Variants in GALNT17 observed in about 807,000 individuals in gnomAD.
The protein encoded by GALNT17 is polypeptide N-acetylgalactosaminyltransferase 17.
Under a neutral mutation model 63.7 loss-of-function variants are expected in GALNT17, and 29 were observed. That is an observed-to-expected ratio of 0.46 (90% confidence interval 0.34 to 0.62). The LOEUF is 0.62. Ranked by LOEUF, GALNT17 falls within the 20% of genes least tolerant of loss-of-function variation. The probability of loss-of-function intolerance (pLI) is 0.01; values close to 1 mark genes in which losing one functional copy is unlikely to be tolerated. For missense variants in GALNT17, 603 were observed against 799.6 expected (o/e 0.75, Z 2.97); for synonymous variants, 305 against 318.3 (o/e 0.96, Z 0.45).
At chr7:71,624,673 GA>G in intron 6 of GALNT17, among the ~76,000 whole-genome samples, 1 of 152,174 alleles carries the variant, frequency 6.6e-6, no homozygotes, top group African/African-American at 2.4e-5. Context: ...TACTATGTTG[GA>G]AATTAAAATG....
intron 2 of GALNT17, among the ~76,000 whole-genome samples, chr7:71,345,315 C>T (rs890678865): frequency 4.6e-5 from 7 of 152,132 alleles, no homozygotes; most frequent in African/African-American, 1.7e-4. Flanking sequence ...TTATGATATG[C>T]TTTCTCCTCT....
At chr7:71,268,782 G>A (rs1166057141) in intron 1 of GALNT17, among the ~76,000 whole-genome samples, 3 of 152,120 alleles carry the variant, frequency 2.0e-5, no homozygotes, top group South Asian at 4.2e-4. Flanking sequence ...GAGGAGCCTC[G>A]GTGAAGGTTG....
intron 6 of GALNT17, among the ~76,000 whole-genome samples, chr7:71,644,788 A>G (rs983204547): frequency 4.6e-5 from 7 of 152,180 alleles, no homozygotes; most frequent in African/African-American, 1.7e-4. Flanking sequence ...GTAAAATTCT[A>G]CACATTACAA....
intron 6 of GALNT17, among the ~76,000 whole-genome samples, chr7:71,599,727 C>T (rs1320697206): frequency 1.3e-5 from 2 of 151,846 alleles, no homozygotes; most frequent in Non-Finnish European, 2.9e-5. Context: ...ACCCCCCCCA[C>T]CCCACCTTAA....
intron 1 of GALNT17, among the ~76,000 whole-genome samples, chr7:71,275,582 C>G (rs1490275992): frequency 2.0e-5 from 3 of 152,186 alleles, no homozygotes; most frequent in Non-Finnish European, 4.4e-5. Flanking sequence ...TTTGTGAACA[C>G]AGCTCAGCGC....
chr7:71,611,813 A>G lies in GALNT17; in HGVS notation c.1080+40411A>G, dbSNP rs749842733. On this transcript the variant is annotated intron_variant, in intron 6 of 10. Coordinates refer to ENST00000333538, the MANE Select transcript of GALNT17 (RefSeq NM_022479.3). ...GCCCTGATGTTGCAAAATGGAAAGC[A>G]TTGTGTCAGTAAAGGGATGGATGGA... is the stretch of plus-strand genomic sequence containing the variant. 5.9e-5 allele frequency among the ~76,000 whole-genome samples: 9 copies of G among 152,090 alleles called. No individual in the cohort carries two copies. The East Asian group carries it at 7.7e-4, about 13-fold the overall frequency.
intron 9 of GALNT17, among the ~76,000 whole-genome samples, chr7:71,695,836 C>A (rs573540026): frequency 1.4e-4 from 22 of 152,272 alleles, no homozygotes; most frequent in Non-Finnish European, 1.5e-5. Context: ...ATCCTCCATG[C>A]CTGGGACTGG....
intron 6 of GALNT17, among the ~76,000 whole-genome samples, chr7:71,581,645 G>A (rs1165906081): frequency 1.3e-5 from 2 of 152,118 alleles, no homozygotes; most frequent in Non-Finnish European, 2.9e-5. Flanking sequence ...ATCAGTGGTG[G>A]TCCACTGAAT....
chr7:71,221,643 T>C (rs1000785126), intron 1 of GALNT17, among the ~76,000 whole-genome samples: 2 of 152,186 alleles, frequency 1.3e-5, no homozygotes, highest in Admixed American at 1.3e-4. Flanking sequence ...GATAGTGCAG[T>C]GGTCAGGCTG....
At chr7:71,430,901 T>C (rs1207502113) in intron 5 of GALNT17, among the ~76,000 whole-genome samples, 1 of 152,170 alleles carries the variant, frequency 6.6e-6, no homozygotes, top group Non-Finnish European at 1.5e-5. Flanking sequence ...AGGGGCCAAT[T>C]GTGTGCTCAG....
Position 71,701,741 on chromosome 7 carries a change from GTGTATATATATGTATATATA to G in GALNT17, c.1501-9016_1501-8997del, listed in dbSNP as rs1562742184. ...GTGGTGTATGTATATATATATATAT[GTGTATATATATGTATATATA>G]TGTGTATATATATGTGTGTGTGTAT... On this transcript the variant is annotated intron_variant, in intron 9 of 10. Transcript: ENST00000333538. Among the ~76,000 whole-genome samples, 119 of 16,450 alleles carry G rather than the reference GTGTATATATATGTATATATA, an allele frequency of 7.2e-3. 1 individual carries two copies. The highest frequency in any genetic ancestry group is 0.02 in the East Asian group (1 of 50). 10.8% of individuals were successfully genotyped at this position (16,450 alleles called of 152,430 possible). A position where few individuals can be genotyped will look rare whatever the true frequency, so the allele number is the denominator to read the frequency against.
chr7:71,228,758 G>T (rs1789728375), intron 1 of GALNT17, among the ~76,000 whole-genome samples: 1 of 152,252 alleles, frequency 6.6e-6, no homozygotes, highest in East Asian at 1.9e-4. Context: ...GTTGCATTTT[G>T]GGCCCCTTTG....
intron 6 of GALNT17, among the ~76,000 whole-genome samples, chr7:71,604,779 T>C (rs1374609130): frequency 1.3e-5 from 2 of 152,182 alleles, no homozygotes; most frequent in Non-Finnish European, 1.5e-5. Flanking sequence ...CAGTTGCATG[T>C]CTCCTCCTCC....
chr7:71,144,596 C>G (rs1014736442), intron 1 of GALNT17, among the ~76,000 whole-genome samples: 4 of 152,048 alleles, frequency 2.6e-5, no homozygotes, highest in Non-Finnish European at 2.9e-5. Flanking sequence ...GGTTCATATG[C>G]CCACTGCTCA....
chr7:71,421,486 C>G (rs1188872437), intron 5 of GALNT17, among the ~76,000 whole-genome samples: 1 of 152,120 alleles, frequency 6.6e-6, no homozygotes, highest in African/African-American at 2.4e-5. Context: ...TGTTTGCACT[C>G]TTTTTCATGA....
At chr7:71,578,208 T>C (rs978680559) in intron 6 of GALNT17, among the ~76,000 whole-genome samples, 1 of 151,832 alleles carries the variant, frequency 6.6e-6, no homozygotes, top group African/African-American at 2.4e-5. Context: ...GGCTAATTTT[T>C]TGCGTTTAAT....
chr7:71,470,856 A>G (rs1448922129), intron 5 of GALNT17, among the ~76,000 whole-genome samples: 1 of 152,102 alleles, frequency 6.6e-6, no homozygotes, highest in Non-Finnish European at 1.5e-5. Flanking sequence ...ACTCTTTTTC[A>G]TGCAAATTCA....
At chr7:71,340,000 G>T (rs1429723269) in intron 2 of GALNT17, among the ~76,000 whole-genome samples, 2 of 152,212 alleles carry the variant, frequency 1.3e-5, no homozygotes, top group Non-Finnish European at 2.9e-5. Flanking sequence ...ATGGAAAGAG[G>T]ATGGTAATGG....
intron 6 of GALNT17, among the ~76,000 whole-genome samples, chr7:71,659,850 A>T (rs1049232402): frequency 6.6e-6 from 1 of 152,122 alleles, no homozygotes; most frequent in South Asian, 2.1e-4. Context: ...ACTGTTGCCC[A>T]CTTCCTCTAC....
Sources: allele counts gnomAD v4.1 joint callset (sites outside exome capture counted in the v4.1 genomes callset), GRCh38; gene constraint gnomAD v4.1.1; transcripts MANE v1.5; gene names NCBI Gene and HGNC (gene_info 2026-07-23, HGNC 2026-07-21).